Variants in RCC1 observed in about 807,000 individuals in gnomAD.
The protein encoded by RCC1 is regulator of chromosome condensation.
Under a neutral mutation model 44.4 loss-of-function variants are expected in RCC1, and 11 were observed. The ratio of observed to expected loss-of-function variants is 0.25; its 90% CI spans 0.16 to 0.41. RCC1 has a LOEUF of 0.41. Among genes scored for constraint, RCC1 ranks in the 10% least tolerant of loss-of-function variants. RCC1 has a pLI of 1.00. For synonymous variants in RCC1, 213 were observed against 216.5 expected, an observed-to-expected ratio of 0.98 and a Z score of 0.14; for missense variants, 386 against 547.1, an observed-to-expected ratio of 0.71 and a Z score of 2.94.
At chr1:28,527,091 G>T in intron 4 of RCC1, 1 of 1,001,502 alleles carries the variant, frequency 1.0e-6, no homozygotes, top group Non-Finnish European at 1.6e-6. Flanking sequence ...ACCGGAACCA[G>T]ACCACAATAT....
At chr1:28,508,576 G>A (rs1662226288) in intron 2 of RCC1, 3 of 518,452 alleles carry the variant, frequency 5.8e-6, no homozygotes, top group Non-Finnish European at 1.2e-5. Flanking sequence ...GGATACCCTG[G>A]GAGGTCACTC....
chr1:28,537,957 A>G lies in RCC1; in HGVS notation c.1216A>G (p.Ser406Gly), dbSNP rs1219877199. The change falls in exon 13 of 13, where the codon AGC becomes GGC. Residue 406 changes from serine to glycine, a missense_variant. By Grantham distance (56) the Ser-to-Gly change is moderately conservative. Transcript: ENST00000683442. ...LENRVVLSVS[S>G]GGQHTVLLVK... ...GAACCGTGTGGTCTTATCTGTGTCC[A>G]GCGGGGGCCAGCATACAGTCTTATT... The G allele has an allele frequency of 2.5e-6, 4 of 1,613,926 alleles. No individual in the cohort carries two copies. The African/African-American group carries it at 4.0e-5, about 16-fold the overall frequency.
At chr1:28,526,583 A>G (rs900913950) in intron 4 of RCC1, 6 of 561,860 alleles carry the variant, frequency 1.1e-5, no homozygotes, top group Non-Finnish European at 2.0e-5. Flanking sequence ...CAATTTCTGT[A>G]GGACACACAA....
chr1:28,506,154 A>T, intron 1 of RCC1, 70 bp downstream of exon 1: 1 of 450,050 alleles, frequency 2.2e-6, no homozygotes, highest in South Asian at 1.6e-5. Flanking sequence ...GCTATAGATC[A>T]GTAGCCGAGC....
Position 28,512,811 on chromosome 1 carries a change from C to CT in RCC1, c.-152-3905dup, listed in dbSNP as rs911891055. Among the ~76,000 whole-genome samples the CT allele has an allele frequency of 3.2e-3, 482 of 151,150 alleles. 4 individuals carry two copies. Among genetic ancestry groups the CT allele is most frequent in the African/African-American group, 0.011 (442 of 41,266 alleles). ...TGTTCAAATCTATCCTTGCTAGTTT[C>CT]TTTTTTTTTGGAGACTGCGTCTCCA... is the stretch of plus-strand genomic sequence containing the variant. On this transcript the variant is annotated intron_variant, in intron 3 of 12. Transcript: ENST00000683442.
At position 28,529,900 on chromosome 1, in the gene RCC1, C is replaced by T. The variant is rs1329558498; in HGVS notation, c.34C>T (p.Pro12Ser). ...CAAGCGCATAGCTAAAAGAAGGTCC[C>T]CCCCAGCAGATGCCATCCCCAAAAG... is the stretch of plus-strand genomic sequence containing the variant. ...SPKRIAKRRS[P>S]PADAIPKSKK... Residue 12 changes from proline to serine, a missense_variant, in exon 5 of 13, where the codon CCC (proline) becomes TCC (serine). By Grantham distance (74) the Pro-to-Ser change is moderately conservative. Coordinates refer to ENST00000683442, the MANE Select transcript of RCC1 (RefSeq NM_001381865.2). 6.2e-7 allele frequency: 1 copy of T among 1,614,024 alleles called. No homozygotes were observed. Among genetic ancestry groups the T allele is most frequent in the Non-Finnish European group, 8.5e-7 (1 of 1,179,996 alleles).
Position 28,509,282 on chromosome 1 carries a change from G to C in RCC1, c.-153+377G>C, listed in dbSNP as rs186327950. 3.2e-5 allele frequency: 6 copies of C among 189,224 alleles called. No individual in the cohort carries two copies. The East Asian group carries it at 8.8e-4, about 28-fold the overall frequency. 11.7% of individuals were successfully genotyped at this position (189,224 alleles called of 1,614,324 possible). On this transcript the variant is annotated intron_variant, in intron 3 of 12. Transcript: ENST00000683442. ...CACTGTGTTGGTGGTTATATTAAAA[G>C]TCCTTGAGTATTTTGCTTTTCATGA...
intron 5 of RCC1, among the ~76,000 whole-genome samples, chr1:28,531,259 C>CTTTTTTTTTTTTTTTTTTTTTTTTTT (rs769808394): frequency 7.5e-6 from 1 of 132,452 alleles, no homozygotes. Context: ...GCTTTCTTTT[C>CTTTTTTTTTTTTTTTTTTTTTTTTTT]TTTTTCTTTT....
At chr1:28,521,230 A>G (rs1376211500) in intron 4 of RCC1, among the ~76,000 whole-genome samples, 1 of 151,256 alleles carries the variant, frequency 6.6e-6, no homozygotes, top group East Asian at 2.0e-4. Context: ...GGCCGGGAGC[A>G]GTGGCTCACG....
intron 5 of RCC1, among the ~76,000 whole-genome samples, chr1:28,531,299 C>T (rs1349410199): frequency 3.8e-5 from 5 of 132,274 alleles, no homozygotes; most frequent in Admixed American, 8.0e-5. Flanking sequence ...AAGTATCACT[C>T]TGTCGCCCAG....
intron 5 of RCC1, chr1:28,530,524 C>CA: frequency 1.9e-6 from 3 of 1,602,312 alleles, no homozygotes; most frequent in Non-Finnish European, 2.5e-6. Context: ...CTTTTGCAGA[C>CA]ACGAGGGCCG....
chr1:28,521,584 A>G (rs893879485), intron 4 of RCC1, among the ~76,000 whole-genome samples: 4 of 151,840 alleles, frequency 2.6e-5, no homozygotes, highest in Admixed American at 1.3e-4. Flanking sequence ...CAGGGCCTCA[A>G]GTCTTCCATT....
chr1:28,538,448 G>A lies in RCC1; in HGVS notation c.*441G>A, dbSNP rs1292956209. On this transcript the variant is annotated 3_prime_UTR_variant, in exon 13 of 13. Transcript: ENST00000683442. ...CTAACAGTCCACAGGCAAACAAATGGTACAGTCATAAGAGCCATCTGTCAC... is the reference window on the plus strand; with the variant it reads ...CTAACAGTCCACAGGCAAACAAATGATACAGTCATAAGAGCCATCTGTCAC... 3.9e-5 allele frequency: 6 copies of A among 154,624 alleles called. No individual in the cohort carries two copies. The highest frequency in any genetic ancestry group is 7.2e-5 in the Non-Finnish European group (5 of 69,754). 9.6% of individuals were successfully genotyped at this position (154,624 alleles called of 1,614,324 possible).
chr1:28,518,664 G>T (rs1015790425), intron 4 of RCC1: 1 of 151,726 alleles, frequency 6.6e-6, no homozygotes, highest in Admixed American at 6.6e-5. Flanking sequence ...GCGGGGGATG[G>T]GTCTCTGCCG....
At chr1:28,517,205 G>A (rs1662948730) in intron 4 of RCC1, among the ~76,000 whole-genome samples, 1 of 152,072 alleles carries the variant, frequency 6.6e-6, no homozygotes, top group African/African-American at 2.4e-5. Context: ...ATGACTCAGA[G>A]TCTGAATCAA....
At chr1:28,506,309 C>T (rs1197805895) in intron 1 of RCC1, 2 of 430,328 alleles carry the variant, frequency 4.6e-6, no homozygotes, top group Non-Finnish European at 4.6e-6. Context: ...CTCAGCCTCT[C>T]CAGCAGCTGG....
In RCC1 at chr1:28,511,973, ATCCTT is replaced by A. The variant is rs1403646230; in HGVS notation, c.-153+3070_-153+3074del. Among the ~76,000 whole-genome samples, 7 of 118,722 alleles carry A rather than the reference ATCCTT, an allele frequency of 5.9e-5. No individual in the cohort carries two copies. The South Asian group carries it at 7.8e-4, about 13-fold the overall frequency. 77.9% of individuals were successfully genotyped at this position (118,722 alleles called of 152,430 possible). A position where few individuals can be genotyped will look rare whatever the true frequency, so the allele number is the denominator to read the frequency against. On this transcript the variant is annotated intron_variant, in intron 3 of 12. Coordinates refer to ENST00000683442, the MANE Select transcript of RCC1 (RefSeq NM_001381865.2). ...GCCACTGCGCCTAGCCTCAAGCCTG[ATCCTT>A]TTTTTTTTTTTTTTTTTTGAGATGG...
At chr1:28,519,649 C>T (rs2124626921) in intron 4 of RCC1, among the ~76,000 whole-genome samples, 1 of 151,796 alleles carries the variant, frequency 6.6e-6, no homozygotes, top group East Asian at 1.9e-4. Flanking sequence ...CTCACTGCAA[C>T]CTCCACCTCC....
chr1:28,509,148 GT>G (rs58294356), intron 3 of RCC1: 21,705 of 323,428 alleles, frequency 0.067, 2,285 homozygotes, highest in African/African-American at 0.3. Flanking sequence ...AAAGTCTGCT[GT>G]TTTTGTACTA....
Sources: gnomAD v4.1 joint callset for allele counts (sites outside exome capture counted in the v4.1 genomes callset) on GRCh38, gnomAD v4.1.1 for gene constraint, MANE v1.5 for transcripts, NCBI Gene and HGNC (gene_info 2026-07-23, HGNC 2026-07-21) for gene names.